Variants in MBNL1 observed in about 807,000 individuals in gnomAD.
The protein encoded by MBNL1 is muscleblind like splicing regulator 1.
Under a neutral mutation model 42.2 loss-of-function variants are expected in MBNL1, and 8 were observed. That is an observed-to-expected ratio of 0.19 (90% CI 0.11 to 0.34). The LOEUF (loss-of-function observed/expected upper bound fraction) is 0.34. Among genes scored for constraint, MBNL1 ranks in the 10% least tolerant of loss-of-function variants. The pLI, the probability that MBNL1 is intolerant of heterozygous loss-of-function variation, is 1.00. For missense variants in MBNL1, 309 were observed against 495.3 expected (o/e 0.62, Z 3.57); for synonymous variants, 169 against 173.9 (o/e 0.97, Z 0.22).
chr3:152,273,718 G>T (rs749901903), intron 1 of MBNL1, among the ~76,000 whole-genome samples: 1 of 152,042 alleles, frequency 6.6e-6, no homozygotes, highest in African/African-American at 2.4e-5. Context: ...TTCCAAAAAG[G>T]TGAAGATGTT....
intron 2 of MBNL1, among the ~76,000 whole-genome samples, chr3:152,369,254 T>C (rs2096558520): frequency 6.6e-6 from 1 of 152,236 alleles, no homozygotes. Context: ...CTTTTCTGCA[T>C]CTATTGGGAT....
At position 152,437,393 on chromosome 3, in the gene MBNL1, G is replaced by T. The variant is rs574261647; in HGVS notation, c.549+4473G>T. Among the ~76,000 whole-genome samples the T allele has an allele frequency of 3.9e-5, 6 of 152,284 alleles. No homozygotes were observed. The South Asian group carries it at 1.2e-3, about 32-fold the overall frequency. On this transcript the variant is annotated intron_variant, in intron 4 of 9. Coordinates refer to ENST00000324210, the MANE Select transcript of MBNL1 (RefSeq NM_021038.5). ...CAGTGTGATACTACAGAAAAAAAAT[G>T]TTAAATTGGAAAACAGGAATTCAAG...
At chr3:152,459,430 G>A (rs772749065) in intron 9 of MBNL1, 85 bp downstream of exon 9, 25 of 545,142 alleles carry the variant, frequency 4.6e-5, no homozygotes, top group Non-Finnish European at 6.1e-5. Context: ...AAAATTTTGC[G>A]AAATCTCTGA....
At chr3:152,430,800 ATAGT>A (rs1352604324) in intron 3 of MBNL1, among the ~76,000 whole-genome samples, 1 of 152,144 alleles carries the variant, frequency 6.6e-6, no homozygotes, top group Non-Finnish European at 1.5e-5. Context: ...GAATGCACAG[ATAGT>A]TCTTGTTGTC....
chr3:152,398,957 GCTATTAC>G (rs2098103522), intron 2 of MBNL1, among the ~76,000 whole-genome samples: 1 of 152,026 alleles, frequency 6.6e-6, no homozygotes, highest in South Asian at 2.1e-4. Flanking sequence ...CTTTTTTGAA[GCTATTAC>G]CTGATACTTC....
chr3:152,332,055 T>G (rs1158155906), intron 2 of MBNL1, among the ~76,000 whole-genome samples: 1 of 152,184 alleles, frequency 6.6e-6, no homozygotes, highest in Non-Finnish European at 1.5e-5. Flanking sequence ...GCTGATTGCA[T>G]TGCCATTGAC....
chr3:152,336,946 T>A (rs6440797), intron 2 of MBNL1, among the ~76,000 whole-genome samples: 114,266 of 151,626 alleles, frequency 0.75, 43,373 homozygotes, highest in African/African-American at 0.82. Flanking sequence ...TTTTCTTCTT[T>A]ACTAATTTCA....
chr3:152,455,423 C>T, intron 6 of MBNL1, 119 bp from the exon 7 acceptor site: 2 of 782,432 alleles, frequency 2.6e-6, no homozygotes, highest in Non-Finnish European at 4.6e-6. Flanking sequence ...TGCCACTGTT[C>T]CCATAATAAC....
At chr3:152,392,453 T>C (rs936189393) in intron 2 of MBNL1, among the ~76,000 whole-genome samples, 3 of 152,206 alleles carry the variant, frequency 2.0e-5, no homozygotes, top group African/African-American at 4.8e-5. Context: ...ACTCAAAAAA[T>C]GAATGGAATG....
chr3:152,275,835 A>G (rs1398000030), intron 1 of MBNL1, among the ~76,000 whole-genome samples: 7 of 151,640 alleles, frequency 4.6e-5, no homozygotes, highest in African/African-American at 1.7e-4. Flanking sequence ...GTAAGAAGTG[A>G]TATCAATATT....
intron 2 of MBNL1, among the ~76,000 whole-genome samples, chr3:152,314,365 T>A (rs2069136449): frequency 6.6e-6 from 1 of 151,972 alleles, no homozygotes; most frequent in Non-Finnish European, 1.5e-5. Context: ...ATGGTCCGTT[T>A]TGCTCCAAGA....
In MBNL1 at chr3:152,447,623, A is replaced by C; in HGVS notation, c.811A>C (p.Ile271Leu). Residue 271 changes from isoleucine (I) to leucine (L), a missense_variant, in exon 6 of 10, where the codon ATT becomes CTT. Coordinates refer to ENST00000324210, the MANE Select transcript of MBNL1 (RefSeq NM_021038.5). ...QAAATAAAMG[I>L]PQAVLPPLPK... Reference sequence around the variant, plus strand: ...TTTATACTCATTCACTAAACAGGGAATTCCTCAAGCTGTACTTCCCCCATT... The same window carrying C: ...TTTATACTCATTCACTAAACAGGGACTTCCTCAAGCTGTACTTCCCCCATT... 1.2e-6 allele frequency: 2 copies of C among 1,612,512 alleles called. No individual in the cohort carries two copies. Among genetic ancestry groups the C allele is most frequent in the Non-Finnish European group, 1.7e-6 (2 of 1,179,196 alleles).
Position 152,439,080 on chromosome 3 carries a change from C to T in MBNL1, c.549+6160C>T, listed in dbSNP as rs558968569. Among the ~76,000 whole-genome samples the T allele has an allele frequency of 1.5e-4, 23 of 152,194 alleles. No individual in the cohort carries two copies. The South Asian group carries it at 2.9e-3, about 19-fold the overall frequency. On this transcript the variant is annotated intron_variant, in intron 4 of 9. Transcript: ENST00000324210. ...CTTGGTTTCTGATAGTTTCAGTTCG[C>T]GTTTGCTTGTATTAAAATATAAAAT...
intron 1 of MBNL1, among the ~76,000 whole-genome samples, chr3:152,288,848 C>T (rs1365721448): frequency 6.6e-6 from 1 of 152,104 alleles, no homozygotes; most frequent in African/African-American, 2.4e-5. Flanking sequence ...AGTTGAAAAA[C>T]TGATTTTACA....
At chr3:152,386,624 A>G (rs1450025188) in intron 2 of MBNL1, among the ~76,000 whole-genome samples, 1 of 152,104 alleles carries the variant, frequency 6.6e-6, no homozygotes, top group African/African-American at 2.4e-5. Context: ...TACAGATGAT[A>G]CATCTATCTC....
chr3:152,300,847 T>G, intron 2 of MBNL1: 1 of 581,038 alleles, frequency 1.7e-6, no homozygotes, highest in Non-Finnish European at 2.2e-6. Flanking sequence ...ACATTTTAGA[T>G]TTTCTTTTTA....
chr3:152,374,538 C>G (rs1415781716), intron 2 of MBNL1, among the ~76,000 whole-genome samples: 1 of 152,170 alleles, frequency 6.6e-6, no homozygotes, highest in Non-Finnish European at 1.5e-5. Context: ...CTGGTATTCC[C>G]CTTATATGCC....
chr3:152,379,368 A>G (rs1176692333), intron 2 of MBNL1, among the ~76,000 whole-genome samples: 2 of 152,226 alleles, frequency 1.3e-5, no homozygotes, highest in Non-Finnish European at 2.9e-5. Flanking sequence ...GAAACCACCT[A>G]TGGAGGTGTA....
upstream of MBNL1, chr3:152,266,995 G>C (rs2037356567): frequency 6.6e-6 from 1 of 152,184 alleles, no homozygotes; most frequent in Non-Finnish European, 1.5e-5. Context: ...CCTACTTTTA[G>C]TGTCATCTCC....
Sources: allele counts gnomAD v4.1 joint callset (sites outside exome capture counted in the v4.1 genomes callset), GRCh38; gene constraint gnomAD v4.1.1; transcripts MANE v1.5; gene names NCBI Gene and HGNC (gene_info 2026-07-23, HGNC 2026-07-21).